THSD4: variants seen among roughly 807,000 people sequenced by gnomAD.
THSD4 encodes the protein thrombospondin type-1 domain-containing protein 4.
Under a neutral mutation model 119.0 loss-of-function variants are expected in THSD4, and 69 were observed. The observed-to-expected ratio is 0.58, with a 90% CI of 0.48 to 0.71. The LOEUF is 0.71. Ranked by LOEUF, THSD4 falls within the 30% of genes least tolerant of loss-of-function variation. The probability of loss-of-function intolerance (pLI) is 0.00; values close to 1 mark genes in which losing one functional copy is unlikely to be tolerated. For synonymous variants in THSD4, 524 were observed against 540.4 expected, an observed-to-expected ratio of 0.97 and a Z score of 0.42; for missense variants, 1,393 against 1,391.1, an observed-to-expected ratio of 1.00 and a Z score of -0.02.
At chr15:71,169,166 A>G (rs191480991) in intron 3 of THSD4, among the ~76,000 whole-genome samples, 2 of 152,378 alleles carry the variant, frequency 1.3e-5, no homozygotes, top group East Asian at 3.9e-4. Context: ...GATGATATCC[A>G]AATGGCTGAT....
intron 7 of THSD4, among the ~76,000 whole-genome samples, chr15:71,536,226 G>A (rs2048687062): frequency 6.6e-6 from 1 of 152,152 alleles, no homozygotes; most frequent in Non-Finnish European, 1.5e-5. Flanking sequence ...CAGGCCTTGT[G>A]GAGGCTTTAG....
chr15:71,235,670 C>G (rs867542929), intron 4 of THSD4, among the ~76,000 whole-genome samples: 3 of 151,428 alleles, frequency 2.0e-5, no homozygotes, highest in African/African-American at 7.3e-5. Context: ...TCACTGCCAC[C>G]TCCGCCTCCC....
At chr15:71,630,094 C>A (rs1010171889) in intron 7 of THSD4, among the ~76,000 whole-genome samples, 4 of 152,188 alleles carry the variant, frequency 2.6e-5, no homozygotes, top group African/African-American at 9.7e-5. Context: ...CATGTTCTTT[C>A]TTTTTTAAAA....
intron 7 of THSD4, among the ~76,000 whole-genome samples, chr15:71,643,009 C>A (rs1316593062): frequency 6.6e-6 from 1 of 152,114 alleles, no homozygotes; most frequent in African/African-American, 2.4e-5. Flanking sequence ...GGGTTACATT[C>A]CTGCTCAACA....
At chr15:71,613,350 T>C (rs890406932) in intron 7 of THSD4, among the ~76,000 whole-genome samples, 1 of 152,218 alleles carries the variant, frequency 6.6e-6, no homozygotes, top group African/African-American at 2.4e-5. Context: ...AACTTGTCCC[T>C]GGATCCATTG....
chr15:71,172,324 C>CA (rs935963080), intron 3 of THSD4, among the ~76,000 whole-genome samples: 4 of 147,618 alleles, frequency 2.7e-5, no homozygotes, highest in South Asian at 2.2e-4. Context: ...AACTCTGTCT[C>CA]AAAAAAAAAT....
chr15:71,637,961 A>C (rs1192705481), intron 7 of THSD4, among the ~76,000 whole-genome samples: 1 of 152,114 alleles, frequency 6.6e-6, no homozygotes, highest in Non-Finnish European at 1.5e-5. Context: ...TCCTGACCTC[A>C]GGTGATCCAC....
At chr15:71,138,215 A>G (rs1349261313) in intron 1 of THSD4, among the ~76,000 whole-genome samples, 2 of 152,162 alleles carry the variant, frequency 1.3e-5, no homozygotes, top group African/African-American at 4.8e-5. Context: ...CACATCTTAC[A>G]TGGCGGCAGG....
intron 8 of THSD4, among the ~76,000 whole-genome samples, chr15:71,674,004 G>C (rs1465188593): frequency 6.6e-6 from 1 of 152,150 alleles, no homozygotes; most frequent in East Asian, 1.9e-4. Context: ...GCACCCAACT[G>C]TCTGTCGGAG....
At chr15:71,748,754 A>T (rs2053390046) in intron 14 of THSD4, among the ~76,000 whole-genome samples, 160 bp downstream of exon 14, 1 of 152,202 alleles carries the variant, frequency 6.6e-6, no homozygotes, top group South Asian at 2.1e-4. Flanking sequence ...TTCTATCCTT[A>T]TGTGAGGACT....
At chr15:71,312,209 TC>T (rs1349931510) in intron 6 of THSD4, among the ~76,000 whole-genome samples, 1 of 152,098 alleles carries the variant, frequency 6.6e-6, no homozygotes, top group African/African-American at 2.4e-5. Context: ...CCGTCTGTAA[TC>T]CCAGCTACTA....
At chr15:71,400,284 A>G (rs909184476) in intron 6 of THSD4, among the ~76,000 whole-genome samples, 4 of 152,214 alleles carry the variant, frequency 2.6e-5, no homozygotes, top group African/African-American at 9.6e-5. Context: ...GAAAGCGCCC[A>G]AAACCTTTTC....
At chr15:71,612,138 G>A (rs146335960) in intron 7 of THSD4, among the ~76,000 whole-genome samples, 7 of 152,330 alleles carry the variant, frequency 4.6e-5, no homozygotes, top group African/African-American at 1.4e-4. Context: ...GGAAACACTA[G>A]CTGTGTGGTC....
At chr15:71,329,296 G>A (rs1003057512) in intron 6 of THSD4, among the ~76,000 whole-genome samples, 7 of 152,138 alleles carry the variant, frequency 4.6e-5, no homozygotes, top group South Asian at 2.1e-4. Flanking sequence ...GTCAGGCCTC[G>A]GCTGGAATCT....
At chr15:71,421,692 C>A (rs1039875231) in intron 7 of THSD4, among the ~76,000 whole-genome samples, 2 of 152,106 alleles carry the variant, frequency 1.3e-5, no homozygotes, top group African/African-American at 4.8e-5. Context: ...CCTTCTTGTA[C>A]TTAAATATTG....
chr15:71,571,561 ATGTCT>A (rs2049358602), intron 7 of THSD4, among the ~76,000 whole-genome samples: 1 of 152,182 alleles, frequency 6.6e-6, no homozygotes, highest in Non-Finnish European at 1.5e-5. Flanking sequence ...AAATCCCCAG[ATGTCT>A]GGTATGCTTT....
chr15:71,463,303 C>T (rs1181953707), intron 7 of THSD4, among the ~76,000 whole-genome samples: 3 of 152,130 alleles, frequency 2.0e-5, no homozygotes, highest in Non-Finnish European at 4.4e-5. Flanking sequence ...ATCCAAGTCA[C>T]ATATGGTAAT....
chr15:71,488,040 A>G (rs2047850128), intron 7 of THSD4, among the ~76,000 whole-genome samples: 1 of 152,176 alleles, frequency 6.6e-6, no homozygotes, highest in Admixed American at 6.5e-5. Context: ...TGCTGCTTCT[A>G]GCACAAAAGT....
intron 8 of THSD4, among the ~76,000 whole-genome samples, chr15:71,696,450 C>G (rs187990102): frequency 6.6e-6 from 1 of 152,108 alleles, no homozygotes; most frequent in African/African-American, 2.4e-5. Context: ...AGGGATCCAC[C>G]CCCAATGACC....
Sources: allele counts gnomAD v4.1 joint callset (sites outside exome capture counted in the v4.1 genomes callset), GRCh38; gene constraint gnomAD v4.1.1; transcripts MANE v1.5; gene names NCBI Gene and HGNC (gene_info 2026-07-23, HGNC 2026-07-21).